CEP85L: variants seen among roughly 807,000 people sequenced by gnomAD.
CEP85L encodes centrosomal protein of 85 kDa-like.
In CEP85L, 60 loss-of-function variants were observed where a neutral mutation model predicts 100.3. The ratio of observed to expected loss-of-function variants is 0.60; its 90% CI spans 0.49 to 0.74. CEP85L has a LOEUF of 0.74. CEP85L is among the 30% of genes least tolerant of loss of function. The pLI, the probability that CEP85L is intolerant of heterozygous loss-of-function variation, is 0.00. For synonymous variants in CEP85L, 319 were observed against 322.7 expected, an observed-to-expected ratio of 0.99 and a Z score of 0.12; for missense variants, 973 against 936.2, an observed-to-expected ratio of 1.04 and a Z score of -0.51.
intron 2 of CEP85L, among the ~76,000 whole-genome samples, chr6:118,605,876 T>C (rs1416999134): frequency 6.6e-6 from 1 of 152,072 alleles, no homozygotes; most frequent in Non-Finnish European, 1.5e-5. Context: ...TAGCCGGGCA[T>C]GGTGGCACAC....
At chr6:118,516,696 T>G (rs1343108579) in intron 4 of CEP85L, among the ~76,000 whole-genome samples, 1 of 152,220 alleles carries the variant, frequency 6.6e-6, no homozygotes, top group Non-Finnish European at 1.5e-5. Context: ...TTCTGTAGGT[T>G]GCCTGTTCAC....
chr6:118,535,892 GGA>G (rs1562239396), intron 3 of CEP85L, among the ~76,000 whole-genome samples: 3 of 151,772 alleles, frequency 2.0e-5, no homozygotes, highest in African/African-American at 7.3e-5. Context: ...ATTTATTAAA[GGA>G]CTACTGTATA....
intron 4 of CEP85L, among the ~76,000 whole-genome samples, chr6:118,519,474 G>GTGTGTGT (rs1475826517): frequency 1.4e-4 from 6 of 43,242 alleles, no homozygotes; most frequent in East Asian, 5.6e-4. Flanking sequence ...GTGTGTGTGT[G>GTGTGTGT]GCGGGGGGGG....
chr6:118,469,120 G>A lies in CEP85L; in HGVS notation c.2206C>T (p.Arg736Cys), dbSNP rs746370053. 4.3e-6 allele frequency: 7 copies of A among 1,613,720 alleles called. No homozygotes were observed. In the South Asian group the frequency reaches 5.5e-5, roughly 13 times the overall value. ...AGATTAGGCTCCTTGCCCTGAGCACGCTGATTAAGAATACTACACAATGCT... is the reference window on the plus strand; with the variant it reads ...AGATTAGGCTCCTTGCCCTGAGCACACTGATTAAGAATACTACACAATGCT... ...LKALCSILNQ[R>C]AQGKEPNLSL... The change falls in exon 12 of 13, where the codon CGT (arginine) becomes TGT (cysteine). Residue 736 changes from arginine (R) to cysteine (C), a missense_variant. By Grantham distance (180) the Arg-to-Cys change is radical. Transcript: ENST00000368491.
chr6:118,604,922 G>GGCATTAAA (rs138091190), intron 2 of CEP85L, among the ~76,000 whole-genome samples: 70,279 of 151,492 alleles, frequency 0.46, 16,737 homozygotes, highest in Middle Eastern at 0.57. Flanking sequence ...TGAACAAAAA[G>GGCATTAAA]GCATTAAAGT....
At chr6:118,652,199 A>C (rs2115390547), upstream of CEP85L, among the ~76,000 whole-genome samples, 1 of 152,242 alleles carries the variant, frequency 6.6e-6, no homozygotes, top group South Asian at 2.1e-4. Context: ...CCGTCATTGT[A>C]ATCGCACAAC....
intron 1 of CEP85L, among the ~76,000 whole-genome samples, chr6:118,697,468 A>C (rs1372966253): frequency 6.6e-6 from 1 of 152,208 alleles, no homozygotes; most frequent in African/African-American, 2.4e-5. Flanking sequence ...CAAGCTCTGC[A>C]TACTAGGATA....
chr6:118,516,110 C>T (rs1187913426), intron 4 of CEP85L, among the ~76,000 whole-genome samples: 1 of 152,114 alleles, frequency 6.6e-6, no homozygotes, highest in African/African-American at 2.4e-5. Flanking sequence ...CATAGTATTC[C>T]ATGGTGTATA....
chr6:118,585,677 C>T (rs957576034), intron 2 of CEP85L, among the ~76,000 whole-genome samples: 4 of 152,212 alleles, frequency 2.6e-5, no homozygotes, highest in Admixed American at 2.6e-4. Flanking sequence ...AAGCTTTTCA[C>T]TTGGGAGAGG....
In CEP85L at chr6:118,639,870, G is replaced by T. The variant is rs1231430118; in HGVS notation, c.74-7259C>A. The stretch of plus-strand genomic sequence containing the variant: ...AAAAATATCTTTGTGTTCAGAAAAA[G>T]GATTCAAACAAGCGTTTTGTTTGGT... On this transcript the variant is annotated intron_variant, in intron 1 of 12. Transcript: ENST00000368491. Among the ~76,000 whole-genome samples the T allele has an allele frequency of 2.0e-5, 3 of 152,006 alleles. No homozygotes were observed. In the East Asian group the frequency reaches 5.8e-4, roughly 29 times the overall value.
chr6:118,524,015 A>G (rs999979913), intron 3 of CEP85L, 95 bp from the exon 4 acceptor site: 2 of 496,192 alleles, frequency 4.0e-6, no homozygotes, highest in African/African-American at 4.1e-5. Flanking sequence ...ATTAAAAAAA[A>G]AGAACTCCCT....
At chr6:118,554,631 TG>T (rs780474834) in intron 3 of CEP85L, among the ~76,000 whole-genome samples, 6 of 152,192 alleles carry the variant, frequency 3.9e-5, no homozygotes, top group Non-Finnish European at 8.8e-5. Flanking sequence ...AAATTGAAAT[TG>T]TGCTATAATC....
At chr6:118,668,354 A>C (rs955947950) in intron 1 of CEP85L, among the ~76,000 whole-genome samples, 2 of 152,258 alleles carry the variant, frequency 1.3e-5, no homozygotes, top group African/African-American at 4.8e-5. Flanking sequence ...AGGTATGCTT[A>C]CCTGAATAAG....
At chr6:118,466,898 T>C (rs1240296751) in intron 12 of CEP85L, among the ~76,000 whole-genome samples, 2 of 151,930 alleles carry the variant, frequency 1.3e-5, no homozygotes, top group East Asian at 1.9e-4. Context: ...GCAATGGAGA[T>C]AGAAGGGCAG....
intron 3 of CEP85L, among the ~76,000 whole-genome samples, chr6:118,551,966 G>T (rs1365305681): frequency 6.6e-6 from 1 of 151,990 alleles, no homozygotes; most frequent in Non-Finnish European, 1.5e-5. Flanking sequence ...AAGGGTATAT[G>T]CACATTCACT....
chr6:118,584,512 G>A (rs1197762182), intron 2 of CEP85L, among the ~76,000 whole-genome samples: 2 of 152,118 alleles, frequency 1.3e-5, no homozygotes, highest in East Asian at 3.9e-4. Flanking sequence ...AGCTCAAAAG[G>A]CCTTTGACCA....
chr6:118,532,187 A>T (rs886326996), intron 3 of CEP85L, among the ~76,000 whole-genome samples: 2 of 152,190 alleles, frequency 1.3e-5, no homozygotes, highest in Non-Finnish European at 2.9e-5. Context: ...CATAGCCATA[A>T]AAGAATAATA....
At chr6:118,598,240 G>A (rs571977217) in intron 2 of CEP85L, among the ~76,000 whole-genome samples, 32 of 152,184 alleles carry the variant, frequency 2.1e-4, no homozygotes, top group African/African-American at 6.3e-4. Flanking sequence ...AGATCTCCAC[G>A]CACTTCTGAT....
chr6:118,640,257 C>A (rs943042933), intron 1 of CEP85L, among the ~76,000 whole-genome samples: 1 of 152,128 alleles, frequency 6.6e-6, no homozygotes, highest in Non-Finnish European at 1.5e-5. Context: ...TCCTCCACTC[C>A]ATTTCAGTAC....
Sources: gnomAD v4.1 joint callset for allele counts (sites outside exome capture counted in the v4.1 genomes callset) on GRCh38, gnomAD v4.1.1 for gene constraint, MANE v1.5 for transcripts, NCBI Gene and HGNC (gene_info 2026-07-23, HGNC 2026-07-21) for gene names.